Variants in GRIK1 observed in about 807,000 individuals in gnomAD.
The protein encoded by GRIK1 is glutamate receptor ionotropic, kainate 1.
GRIK1 carries 69 observed loss-of-function variants against 105.7 expected under a neutral mutation model. The ratio of observed to expected loss-of-function variants is 0.65; its 90% CI spans 0.54 to 0.80. The LOEUF (loss-of-function observed/expected upper bound fraction) is 0.80. Ranked by LOEUF, GRIK1 falls within the 30% of genes least tolerant of loss-of-function variation. The probability of loss-of-function intolerance (pLI) is 0.00; values close to 1 mark genes in which losing one functional copy is unlikely to be tolerated. For synonymous variants in GRIK1, 438 were observed against 431.3 expected, an observed-to-expected ratio of 1.02 and a Z score of -0.19; for missense variants, 1,109 against 1,167.3, an observed-to-expected ratio of 0.95 and a Z score of 0.73.
intron 1 of GRIK1, among the ~76,000 whole-genome samples, chr21:29,785,969 C>G (rs1027985369): frequency 6.9e-6 from 1 of 145,048 alleles, no homozygotes; most frequent in African/African-American, 2.6e-5. Context: ...TTCTCCTTCC[C>G]TCTGTGTCTC....
intron 1 of GRIK1, among the ~76,000 whole-genome samples, chr21:29,709,737 A>G (rs920821040): frequency 4.2e-4 from 64 of 152,026 alleles, no homozygotes; most frequent in African/African-American, 1.5e-3. Context: ...GGTTTTTTTC[A>G]CAGTTGAGTT....
At chr21:29,861,619 A>T in intron 1 of GRIK1, 1 of 430,892 alleles carries the variant, frequency 2.3e-6, no homozygotes, top group South Asian at 1.7e-5. Context: ...ACTTACTCTT[A>T]ATCAAACTCA....
intron 16 of GRIK1, among the ~76,000 whole-genome samples, chr21:29,550,999 A>G (rs1036662481): frequency 1.3e-5 from 2 of 152,246 alleles, no homozygotes; most frequent in African/African-American, 4.8e-5. Context: ...TGTGCCAAGC[A>G]CAATGCAAGA....
Position 29,588,953 on chromosome 21 carries a change from T to C in GRIK1, c.1455A>G (p.Glu485=). The C allele has an allele frequency of 6.2e-7, 1 of 1,602,572 alleles. No individual in the cohort carries two copies. The highest frequency in any genetic ancestry group is 1.3e-5 in the African/African-American group (1 of 74,818). The part of the protein sequence containing the change: ...FEGYCLDLLK[E]LSNILGFIYD... ...AAATGAAACCCAGGATGTTTGACAATTCTTTCAACAGGTCTAGGCAATATC... is the reference window on the plus strand; with the variant it reads ...AAATGAAACCCAGGATGTTTGACAACTCTTTCAACAGGTCTAGGCAATATC... Residue 485 remains glutamate, a synonymous_variant, in exon 11 of 18, where the codon GAA becomes GAG. Transcript: ENST00000327783.
intron 1 of GRIK1, among the ~76,000 whole-genome samples, chr21:29,803,981 C>T (rs2066785123): frequency 6.6e-6 from 1 of 152,118 alleles, no homozygotes; most frequent in East Asian, 1.9e-4. Flanking sequence ...AGCTATGTGT[C>T]CAGCATCAAG....
At chr21:29,539,953 A>G (rs2089942396) in intron 16 of GRIK1, among the ~76,000 whole-genome samples, 1 of 152,204 alleles carries the variant, frequency 6.6e-6, no homozygotes, top group South Asian at 2.1e-4. Flanking sequence ...ATCACTATAG[A>G]TAGCTTTTTG....
At chr21:29,677,583 G>GA (rs11301146) in intron 3 of GRIK1, among the ~76,000 whole-genome samples, 184 of 142,334 alleles carry the variant, frequency 1.3e-3, no homozygotes, top group Admixed American at 2.2e-3. Flanking sequence ...TATGGAGGAG[G>GA]AAAAAAAAAA....
intron 15 of GRIK1, among the ~76,000 whole-genome samples, chr21:29,559,193 G>A (rs774970106): frequency 6.6e-6 from 1 of 152,106 alleles, no homozygotes; most frequent in African/African-American, 2.4e-5. Flanking sequence ...TTCAGGCAAA[G>A]GTACCTACTC....
At position 29,754,457 on chromosome 21, in the gene GRIK1, T is replaced by C. The variant is rs563079037; in HGVS notation, c.119-60394A>G. On this transcript the variant is annotated intron_variant, in intron 1 of 17. Coordinates refer to ENST00000327783, the MANE Select transcript of GRIK1 (RefSeq NM_001330994.2). ...AATCACGTGTTCAAATCCTGGTTCC[T>C]ACTATTTAGTTGAGTTACACAGTAT... Among the ~76,000 whole-genome samples the C allele has an allele frequency of 3.3e-5, 5 of 152,368 alleles. No homozygotes were observed. The South Asian group carries it at 1.0e-3, about 32-fold the overall frequency.
intron 1 of GRIK1, among the ~76,000 whole-genome samples, chr21:29,696,256 T>C (rs999371248): frequency 2.0e-5 from 3 of 152,160 alleles, no homozygotes; most frequent in Non-Finnish European, 4.4e-5. Context: ...TAGTTGAAAA[T>C]TGTATGACAA....
chr21:29,911,520 C>T (rs975536392), intron 1 of GRIK1, among the ~76,000 whole-genome samples: 12 of 151,898 alleles, frequency 7.9e-5, no homozygotes, highest in African/African-American at 1.2e-4. Context: ...AAGTTGATAT[C>T]GTTATATTAA....
intron 4 of GRIK1, among the ~76,000 whole-genome samples, chr21:29,672,411 A>T: frequency 6.6e-6 from 1 of 152,048 alleles, no homozygotes; most frequent in East Asian, 1.9e-4. Flanking sequence ...TCATGTCTTC[A>T]TTTATATAGG....
intron 1 of GRIK1, chr21:29,761,474 A>G (rs1384463048): frequency 6.6e-6 from 1 of 152,224 alleles, no homozygotes; most frequent in Non-Finnish European, 1.5e-5. Flanking sequence ...TAATATGTTG[A>G]AGAAAAGATC....
chr21:29,674,688 A>G (rs1011339252), intron 3 of GRIK1, among the ~76,000 whole-genome samples: 3 of 152,020 alleles, frequency 2.0e-5, no homozygotes, highest in African/African-American at 4.8e-5. Context: ...AACATGTATG[A>G]CATTTCTTCC....
chr21:29,819,570 G>A (rs2067243598), intron 1 of GRIK1, among the ~76,000 whole-genome samples: 1 of 151,860 alleles, frequency 6.6e-6, no homozygotes, highest in Admixed American at 6.6e-5. Context: ...CACTGTTGAG[G>A]TTATTTCCAA....
chr21:29,582,087 A>G (rs1757473050), intron 12 of GRIK1, among the ~76,000 whole-genome samples: 1 of 152,204 alleles, frequency 6.6e-6, no homozygotes, highest in South Asian at 2.1e-4. Context: ...TGCAAGGCTG[A>G]ACAAATTAGT....
chr21:29,854,715 G>C (rs1454353125), intron 1 of GRIK1, among the ~76,000 whole-genome samples: 1 of 152,144 alleles, frequency 6.6e-6, no homozygotes, highest in Non-Finnish European at 1.5e-5. Flanking sequence ...TTGCACTCAG[G>C]AACTAGGATC....
Position 29,839,136 on chromosome 21 carries a change from G to A in GRIK1, c.118+100247C>T, listed in dbSNP as rs1411554258. 7.2e-5 allele frequency among the ~76,000 whole-genome samples: 11 copies of A among 152,042 alleles called. No homozygotes were observed. In the East Asian group the frequency reaches 1.2e-3, roughly 16 times the overall value. On this transcript the variant is annotated intron_variant, in intron 1 of 17. Coordinates refer to ENST00000327783, the MANE Select transcript of GRIK1 (RefSeq NM_001330994.2). ...GCGATCTTGGCTCACCACAACCTCCGCCTCCCAGGTTCAAGCGATTCTCCT... is the reference window on the plus strand; with the variant it reads ...GCGATCTTGGCTCACCACAACCTCCACCTCCCAGGTTCAAGCGATTCTCCT...
At chr21:29,768,905 T>G (rs1157615991) in intron 1 of GRIK1, among the ~76,000 whole-genome samples, 1 of 152,242 alleles carries the variant, frequency 6.6e-6, no homozygotes, top group Non-Finnish European at 1.5e-5. Context: ...TTTCTAATGA[T>G]AGTGAATACC....
Sources: gnomAD v4.1 joint callset for allele counts (sites outside exome capture counted in the v4.1 genomes callset) on GRCh38, gnomAD v4.1.1 for gene constraint, MANE v1.5 for transcripts, NCBI Gene and HGNC (gene_info 2026-07-23, HGNC 2026-07-21) for gene names.